DACH1: variants seen among roughly 807,000 people sequenced by gnomAD.
DACH1 encodes the protein dachshund family transcription factor 1.
Under a neutral mutation model 54.2 loss-of-function variants are expected in DACH1, and 12 were observed. That is an observed-to-expected ratio of 0.22 (90% CI 0.14 to 0.36). DACH1 has a LOEUF of 0.36. Among genes scored for constraint, DACH1 ranks in the 10% least tolerant of loss-of-function variants. The pLI is 1.00. For missense variants in DACH1, 805 were observed against 929.8 expected, an observed-to-expected ratio of 0.87 and a Z score of 1.75; for synonymous variants, 386 against 366.2, an observed-to-expected ratio of 1.05 and a Z score of -0.62.
chr13:71,704,621 T>G, intron 1 of DACH1: 1 of 423,468 alleles, frequency 2.4e-6, no homozygotes, highest in East Asian at 6.9e-5. Context: ...GAGCCTGAGC[T>G]GCTGGAACCT....
chr13:71,865,819 C>T, intron 1 of DACH1, 103 bp downstream of exon 1: 1 of 1,321,088 alleles, frequency 7.6e-7, no homozygotes, highest in Non-Finnish European at 9.6e-7. Flanking sequence ...GGGCGCGCGG[C>T]TCGCGGGCGC....
rs1277337181 is a variant in DACH1 at position 71,865,179 on chromosome 13, C to G, written c.848+743G>C. Among the ~76,000 whole-genome samples, 3 of 152,256 alleles carry G rather than the reference C, an allele frequency of 2.0e-5. No homozygotes were observed. The East Asian group carries it at 5.9e-4, about 30-fold the overall frequency. On this transcript the variant is annotated intron_variant, in intron 1 of 10. Coordinates refer to ENST00000613252, the MANE Select transcript of DACH1 (RefSeq NM_080759.6). ...CCTTTATTTCCTTTGCACACGCACT[C>G]GCTCACACGCGGACACACGCACACA...
rs371486029 is a variant in DACH1 at position 71,866,641 on chromosome 13, G to T, written c.129C>A (p.Ser43=). 2.1e-4 allele frequency: 291 copies of T among 1,415,930 alleles called. No individual in the cohort carries two copies. Among genetic ancestry groups the T allele is most frequent in the Non-Finnish European group, 2.6e-4 (279 of 1,077,746 alleles). The allele number at this position is 1,415,930 out of a possible 1,614,324, so 87.7% of individuals were successfully genotyped here. The change falls in exon 1 of 11, where the codon TCC becomes TCA. Residue 43 remains serine (S), a synonymous_variant. Coordinates refer to ENST00000613252, the MANE Select transcript of DACH1 (RefSeq NM_080759.6). ...GCCCAGAGGACGCCGGGGGTCCGAT[G>T]GAAGGAGCCGGAGACGAAGTCGCCG... ...TSSATSSPAP[S]IGPPASSGPT...
At chr13:71,586,583 G>T (rs1873296351) in intron 3 of DACH1, among the ~76,000 whole-genome samples, 1 of 151,956 alleles carries the variant, frequency 6.6e-6, no homozygotes, top group Admixed American at 6.6e-5. Flanking sequence ...ATATTCACCA[G>T]CTTTCTTCAA....
chr13:71,499,973 C>T (rs1247199799), intron 6 of DACH1, among the ~76,000 whole-genome samples: 1 of 151,870 alleles, frequency 6.6e-6, no homozygotes, highest in East Asian at 1.9e-4. Flanking sequence ...CTCTAAATGA[C>T]CACTTTTGAA....
In DACH1 at chr13:71,540,924, C is replaced by T. The variant is rs537610738; in HGVS notation, c.1570+16100G>A. On this transcript the variant is annotated intron_variant, in intron 6 of 10. Transcript: ENST00000613252. ...TTGTTTATCTATTAACCCATAAACC[C>T]TTTCCTTAACACATATACTTGTCCT... 3.9e-5 allele frequency among the ~76,000 whole-genome samples: 6 copies of T among 151,952 alleles called. No homozygotes were observed. The South Asian group carries it at 1.2e-3, about 32-fold the overall frequency.
intron 1 of DACH1, among the ~76,000 whole-genome samples, chr13:71,818,945 G>C (rs897028777): frequency 2.6e-5 from 4 of 152,166 alleles, no homozygotes; most frequent in Admixed American, 2.6e-4. Context: ...ATCCATCAAG[G>C]TCTCTATAGA....
chr13:71,750,391 C>A (rs764131719), intron 1 of DACH1, among the ~76,000 whole-genome samples: 7 of 152,088 alleles, frequency 4.6e-5, no homozygotes, highest in Non-Finnish European at 7.4e-5. Context: ...TTAATAAATT[C>A]ACATAGCAAA....
At chr13:71,690,171 C>T (rs916454302) in intron 1 of DACH1, among the ~76,000 whole-genome samples, 45 of 152,126 alleles carry the variant, frequency 3.0e-4, no homozygotes, top group African/African-American at 9.9e-4. Flanking sequence ...CTTTCCCACA[C>T]TCACAAAAAT....
In DACH1 at chr13:71,618,183, T is replaced by C. The variant is rs532459778; in HGVS notation, c.1126+12373A>G. Among the ~76,000 whole-genome samples the C allele has an allele frequency of 2.6e-5, 4 of 152,264 alleles. No homozygotes were observed. In the East Asian group the frequency reaches 5.8e-4, roughly 22 times the overall value. ...ATCCATAACTTTCTTGTTCAGAATT[T>C]TTCCCTGGTTGGAAAAAGTGAAGCC... is the stretch of plus-strand genomic sequence containing the variant. On this transcript the variant is annotated intron_variant, in intron 3 of 10. Transcript: ENST00000613252.
rs182926373 is a variant in DACH1 at position 71,662,721 on chromosome 13, G to A, written c.964+19074C>T. On this transcript the variant is annotated intron_variant, in intron 2 of 10. Transcript: ENST00000613252. ...TTTTTCCACAAAAAATATTGCTATCGGATTTAATTTTCATATTTGTGTTGT... is the reference window on the plus strand; with the variant it reads ...TTTTTCCACAAAAAATATTGCTATCAGATTTAATTTTCATATTTGTGTTGT... 5.4e-4 allele frequency among the ~76,000 whole-genome samples: 82 copies of A among 151,804 alleles called. 2 individuals carry two copies. The East Asian group carries it at 8.9e-3, about 17-fold the overall frequency.
rs2160419 is a variant in DACH1, at chr13:71,740,214, A to G, written c.849-58304T>C. 8.6e-3 allele frequency among the ~76,000 whole-genome samples: 1,313 copies of G among 152,306 alleles called. 9 individuals carry two copies. The highest frequency in any genetic ancestry group is 0.027 in the Middle Eastern group (8 of 294). On this transcript the variant is annotated intron_variant, in intron 1 of 10. Transcript: ENST00000613252. Reference sequence around the variant, plus strand: ...AAGACAGCTAAATCGCACATCTGGCATATCTTCTTCAAGCTATTTTCTACT... The same window carrying G: ...AAGACAGCTAAATCGCACATCTGGCGTATCTTCTTCAAGCTATTTTCTACT...
intron 1 of DACH1, among the ~76,000 whole-genome samples, chr13:71,816,343 G>A (rs1887920553): frequency 1.3e-5 from 2 of 151,742 alleles, no homozygotes; most frequent in East Asian, 1.9e-4. Context: ...CTTGGGGAAA[G>A]GCAAGATTGT....
chr13:71,708,980 G>A (rs1229704769), intron 1 of DACH1, among the ~76,000 whole-genome samples: 1 of 150,946 alleles, frequency 6.6e-6, no homozygotes, highest in African/African-American at 2.4e-5. Context: ...AGCCTCCCGA[G>A]TAGCTGGGAC....
chr13:71,462,785 A>T (rs1876192663), intron 10 of DACH1, among the ~76,000 whole-genome samples: 1 of 151,912 alleles, frequency 6.6e-6, no homozygotes. Flanking sequence ...TGTAATTTAC[A>T]CACTTGGTAT....
chr13:71,668,184 T>G (rs1256275113), intron 2 of DACH1, among the ~76,000 whole-genome samples: 3 of 151,968 alleles, frequency 2.0e-5, no homozygotes, highest in Non-Finnish European at 4.4e-5. Flanking sequence ...ATTAAACATT[T>G]TACATGTTTA....
intron 1 of DACH1, among the ~76,000 whole-genome samples, chr13:71,703,944 A>G (rs1017411511): frequency 1.3e-5 from 2 of 152,196 alleles, no homozygotes; most frequent in African/African-American, 4.8e-5. Context: ...GGGGAAGATG[A>G]ATACAGGCCT....
chr13:71,663,092 A>G (rs1471239677), intron 2 of DACH1, among the ~76,000 whole-genome samples: 2 of 150,978 alleles, frequency 1.3e-5, no homozygotes, highest in African/African-American at 4.9e-5. Flanking sequence ...ACAAGAAGAT[A>G]CTCTATTTAA....
chr13:71,738,731 CAAAAAAAAAA>C (rs34856567), intron 1 of DACH1, among the ~76,000 whole-genome samples: 33 of 24,068 alleles, frequency 1.4e-3, no homozygotes, highest in South Asian at 0.01. Context: ...GACTCTGTCT[CAAAAAAAAAA>C]AAAAAAAAAA....
Sources: gnomAD v4.1 joint callset for allele counts (sites outside exome capture counted in the v4.1 genomes callset) on GRCh38, gnomAD v4.1.1 for gene constraint, MANE v1.5 for transcripts, NCBI Gene and HGNC (gene_info 2026-07-23, HGNC 2026-07-21) for gene names.